Variants in SLC15A2 observed in about 807,000 individuals in gnomAD.
SLC15A2 encodes kidney H(+)/peptide cotransporter.
In SLC15A2, 77 loss-of-function variants were observed where a neutral mutation model predicts 95.5. That is an observed-to-expected ratio of 0.81 (90% CI 0.67 to 0.97). SLC15A2 has a LOEUF of 0.97. Among genes scored for constraint, SLC15A2 ranks in the 50% least tolerant of loss-of-function variants. SLC15A2 has a pLI of 0.00. For missense variants in SLC15A2, 893 were observed against 874.4 expected (o/e 1.02, Z -0.27); for synonymous variants, 306 against 306.9 (o/e 1.00, Z 0.03).
intron 17 of SLC15A2, among the ~76,000 whole-genome samples, chr3:121,929,779 A>T (rs1710196637): frequency 1.3e-5 from 2 of 152,164 alleles, no homozygotes; most frequent in South Asian, 4.1e-4. Context: ...ACACATTTGG[A>T]GTCAAAAGAC....
intron 3 of SLC15A2, among the ~76,000 whole-genome samples, chr3:121,904,257 C>T (rs1313645068): frequency 2.0e-5 from 3 of 152,128 alleles, no homozygotes; most frequent in Admixed American, 6.5e-5. Context: ...TGGGCTGAGA[C>T]AGTGGGGTTT....
chr3:121,906,415 T>A (rs1254898934), intron 3 of SLC15A2, among the ~76,000 whole-genome samples: 1 of 152,222 alleles, frequency 6.6e-6, no homozygotes, highest in Non-Finnish European at 1.5e-5. Context: ...TGTTAGCTGG[T>A]TATTTTGCCC....
chr3:121,906,717 G>C (rs1335903750), intron 3 of SLC15A2, among the ~76,000 whole-genome samples: 2 of 151,620 alleles, frequency 1.3e-5, no homozygotes, highest in African/African-American at 4.8e-5. Context: ...AGGGTTTCTG[G>C]CGAGAGATCC....
chr3:121,923,013 T>C, intron 9 of SLC15A2, 27 bp from the exon 10 acceptor site: 2 of 1,609,318 alleles, frequency 1.2e-6, no homozygotes, highest in Non-Finnish European at 1.7e-6. Context: ...TTCTAGCATT[T>C]CTGCCCATTC....
chr3:121,897,165 G>T (rs1709433987), intron 2 of SLC15A2, among the ~76,000 whole-genome samples: 1 of 151,522 alleles, frequency 6.6e-6, no homozygotes, highest in Non-Finnish European at 1.5e-5. Flanking sequence ...GAAGGGAGGA[G>T]TATTATATTT....
At chr3:121,919,763 G>C (rs1341580334) in intron 7 of SLC15A2, among the ~76,000 whole-genome samples, 1 of 152,196 alleles carries the variant, frequency 6.6e-6, no homozygotes, top group African/African-American at 2.4e-5. Flanking sequence ...AGTATTTATA[G>C]TTGGAAGGTG....
intron 5 of SLC15A2, among the ~76,000 whole-genome samples, chr3:121,913,980 C>T (rs1270762392): frequency 6.6e-6 from 1 of 151,086 alleles, no homozygotes; most frequent in African/African-American, 2.4e-5. Context: ...TCTCTCTTTC[C>T]TCTTCCCTCT....
rs1254670524 is a variant in SLC15A2 at position 121,943,423 on chromosome 3, T to C, written c.*2416T>C. 6.6e-6 allele frequency: 1 copy of C among 152,204 alleles called. No homozygotes were observed. Among genetic ancestry groups the C allele is most frequent in the African/African-American group, 2.4e-5 (1 of 41,444 alleles). The allele number at this position is 152,204 out of a possible 1,614,324, so 9.4% of individuals were successfully genotyped here. ...TCCTCACCAGGCATAATTTGTCCTT[T>C]TACCATCCTACTTTCTGTCTTCTGA... On this transcript the variant is annotated 3_prime_UTR_variant, in exon 22 of 22. Coordinates refer to ENST00000489711, the MANE Select transcript of SLC15A2 (RefSeq NM_021082.4).
rs905640839 is a variant in SLC15A2 at position 121,943,370 on chromosome 3, G to A, written c.*2363G>A. On this transcript the variant is annotated 3_prime_UTR_variant, in exon 22 of 22. Transcript: ENST00000489711. ...TCTTCCCTAATCATCAAGTATTCAAGGTAAAGATTCTCGGTTCCTGTAATG... is the reference window on the plus strand; with the variant it reads ...TCTTCCCTAATCATCAAGTATTCAAAGTAAAGATTCTCGGTTCCTGTAATG... The A allele has an allele frequency of 1.3e-5, 2 of 152,070 alleles. No homozygotes were observed. The highest frequency in any genetic ancestry group is 2.9e-5 in the Non-Finnish European group (2 of 68,012). 9.4% of individuals were successfully genotyped at this position (152,070 alleles called of 1,614,324 possible). A position where few individuals can be genotyped will look rare whatever the true frequency, so the allele number is the denominator to read the frequency against.
chr3:121,933,748 C>A (rs1293563360), intron 19 of SLC15A2, among the ~76,000 whole-genome samples: 1 of 151,830 alleles, frequency 6.6e-6, no homozygotes, highest in East Asian at 1.9e-4. Context: ...TTTTGCTGTG[C>A]AGAAGCTCTT....
intron 1 of SLC15A2, among the ~76,000 whole-genome samples, chr3:121,895,851 A>G (rs1288888929): frequency 6.6e-6 from 1 of 152,210 alleles, no homozygotes; most frequent in Admixed American, 6.5e-5. Context: ...AAGGTGATCA[A>G]TTAGCTTACC....
intron 7 of SLC15A2, among the ~76,000 whole-genome samples, chr3:121,920,633 G>T (rs550383483): frequency 1.8e-3 from 281 of 152,266 alleles, no homozygotes; most frequent in Non-Finnish European, 3.2e-3. Flanking sequence ...TGACTCTCAG[G>T]ATTAGCATTC....
intron 14 of SLC15A2, 94 bp from the exon 15 acceptor site, chr3:121,928,327 T>C (rs1710162308): frequency 7.0e-7 from 1 of 1,430,676 alleles, no homozygotes; most frequent in Non-Finnish European, 9.4e-7. Flanking sequence ...ACTTGGCTAG[T>C]GGACTAGGCT....
chr3:121,901,478 T>C (rs568941331), intron 3 of SLC15A2, among the ~76,000 whole-genome samples: 2 of 152,284 alleles, frequency 1.3e-5, no homozygotes, highest in Non-Finnish European at 2.9e-5. Context: ...TATTTTATTG[T>C]GGGTATTTTG....
At chr3:121,938,372 C>T (rs1467910056) in intron 19 of SLC15A2, among the ~76,000 whole-genome samples, 2 of 152,368 alleles carry the variant, frequency 1.3e-5, no homozygotes, top group South Asian at 2.1e-4. Flanking sequence ...GCCTCGCTGC[C>T]ACCTTGCATT....
intron 19 of SLC15A2, among the ~76,000 whole-genome samples, chr3:121,938,192 T>G (rs1710387725): frequency 6.6e-6 from 1 of 152,024 alleles, no homozygotes; most frequent in Non-Finnish European, 1.5e-5. Flanking sequence ...GACATTTAAG[T>G]CTGCAGAGGT....
intron 3 of SLC15A2, among the ~76,000 whole-genome samples, chr3:121,903,934 C>T (rs2107573600): frequency 6.6e-6 from 1 of 152,244 alleles, no homozygotes; most frequent in South Asian, 2.1e-4. Context: ...TATAAATTAC[C>T]TTGGGCAGTA....
rs772666797 is a variant in SLC15A2, at chr3:121,925,051, C to T, written c.1124+18C>T. 1.3e-6 allele frequency: 2 copies of T among 1,493,474 alleles called. No individual in the cohort carries two copies. The highest frequency in any genetic ancestry group is 3.3e-5 in the Admixed American group (2 of 59,882). 92.5% of individuals were successfully genotyped at this position (1,493,474 alleles called of 1,614,324 possible). On this transcript the variant is annotated intron_variant, in intron 13 of 21. Coordinates refer to ENST00000489711, the MANE Select transcript of SLC15A2 (RefSeq NM_021082.4). ...AACTTCTCGTAAGTGTTCACTATGT[C>T]TGTATGGATTACTCTAAATTGACTC... is the stretch of plus-strand genomic sequence containing the variant.
rs762529664 is a variant in SLC15A2, at chr3:121,929,081, G to T, written c.1441G>T (p.Val481Leu). The T allele has an allele frequency of 9.3e-6, 15 of 1,614,128 alleles. No individual in the cohort carries two copies. The highest frequency in any genetic ancestry group is 1.3e-5 in the Non-Finnish European group (15 of 1,179,974). Residue 481 changes from valine (V) to leucine (L), a missense_variant, in exon 16 of 22, where the codon GTG becomes TTG. Val to Leu is a conservative substitution (Grantham distance 32). Coordinates refer to ENST00000489711, the MANE Select transcript of SLC15A2 (RefSeq NM_021082.4). ...TTTGTCTCTCTACACTGAGCATTCT[G>T]TGCAGGAGAAGAACTGGTACAGTCT... is the stretch of plus-strand genomic sequence containing the variant. ...HNLSLYTEHS[V>L]QEKNWYSLVI...
Sources: gnomAD v4.1 joint callset for allele counts (sites outside exome capture counted in the v4.1 genomes callset) on GRCh38, gnomAD v4.1.1 for gene constraint, MANE v1.5 for transcripts, NCBI Gene and HGNC (gene_info 2026-07-23, HGNC 2026-07-21) for gene names.